Variants in PHACTR2 observed in about 807,000 individuals in gnomAD.
PHACTR2 encodes chromosome 6 open reading frame 56.
In PHACTR2, 30 loss-of-function variants were observed where a neutral mutation model predicts 76.0. The ratio of observed to expected loss-of-function variants is 0.39; its 90% CI spans 0.30 to 0.54. PHACTR2 has a LOEUF of 0.54. Among genes scored for constraint, PHACTR2 ranks in the 20% least tolerant of loss-of-function variants. PHACTR2 has a pLI of 0.61. For missense variants in PHACTR2, 696 were observed against 781.1 expected (o/e 0.89, Z 1.30); for synonymous variants, 292 against 292.5 (o/e 1.00, Z 0.02).
chr6:143,808,524 T>C (rs1308741753), intron 12 of PHACTR2, among the ~76,000 whole-genome samples: 2 of 152,172 alleles, frequency 1.3e-5, no homozygotes, highest in East Asian at 3.8e-4. Context: ...TTATACAGCA[T>C]TTACATTGTA....
intron 11 of PHACTR2, among the ~76,000 whole-genome samples, chr6:143,796,172 C>T (rs1357858228): frequency 6.6e-6 from 1 of 152,184 alleles, no homozygotes; most frequent in Admixed American, 6.5e-5. Flanking sequence ...ATTCTTTGCC[C>T]TGTTCATTGA....
Position 143,765,550 on chromosome 6 carries a change from A to C in PHACTR2, c.984A>C (p.Thr328=), listed in dbSNP as rs1174460460. 1 of 1,614,224 alleles carries C rather than the reference A, an allele frequency of 6.2e-7. No homozygotes were observed. The highest frequency in any genetic ancestry group is 1.1e-5 in the South Asian group (1 of 91,086). The change falls in exon 6 of 13, where the codon ACA becomes ACC. Residue 328 remains threonine (T), a synonymous_variant. Transcript: ENST00000440869. This position sits in a 1 kb window ranked among gnomAD's most constrained non-coding sequence, Gnocchi z 4.1. ...QTVPGAEEQN[T]GKFKSMVPPP... is the part of the protein sequence containing the mutation. Reference sequence around the variant, plus strand: ...TCCCTGGAGCTGAGGAGCAGAACACAGGCAAATTCAAGTCCATGGTCCCTC... The same window carrying C: ...TCCCTGGAGCTGAGGAGCAGAACACCGGCAAATTCAAGTCCATGGTCCCTC...
At chr6:143,781,312 C>G (rs1471214975) in intron 9 of PHACTR2, among the ~76,000 whole-genome samples, 1 of 152,212 alleles carries the variant, frequency 6.6e-6, no homozygotes, top group Non-Finnish European at 1.5e-5. Flanking sequence ...CCTGGTAGCA[C>G]TAGCTGAACA....
rs937883770 is a variant in PHACTR2 at position 143,757,949 on chromosome 6, A to G, written c.455-2452A>G. ...CTCATATGTCCCTGCGTGTGTGTGC[A>G]TGCACACGTGCGCGCACACACACAC... is the stretch of plus-strand genomic sequence containing the variant. On this transcript the variant is annotated intron_variant, in intron 4 of 12. Coordinates refer to ENST00000440869, the MANE Select transcript of PHACTR2 (RefSeq NM_001100164.2). This position sits in a 1 kb window ranked among gnomAD's most constrained non-coding sequence, Gnocchi z 4.2. 1.6e-5 allele frequency among the ~76,000 whole-genome samples: 2 copies of G among 127,356 alleles called. No homozygotes were observed. Among genetic ancestry groups the G allele is most frequent in the Non-Finnish European group, 3.3e-5 (2 of 60,000 alleles). 83.6% of individuals were successfully genotyped at this position (127,356 alleles called of 152,430 possible).
chr6:143,587,087 C>T (rs1039392789), intron 1 of PHACTR2, among the ~76,000 whole-genome samples: 4 of 152,178 alleles, frequency 2.6e-5, no homozygotes, highest in African/African-American at 9.7e-5. Context: ...CAGCTCACTA[C>T]CAGTGTTCAT....
At chr6:143,748,119 G>C (rs956228537) in intron 2 of PHACTR2, among the ~76,000 whole-genome samples, 3 of 151,928 alleles carry the variant, frequency 2.0e-5, no homozygotes, top group Non-Finnish European at 2.9e-5. Flanking sequence ...AGGCTGGAGT[G>C]CAATGGCACG....
At chr6:143,691,056 G>A (rs2128456100) in intron 1 of PHACTR2, among the ~76,000 whole-genome samples, 1 of 152,276 alleles carries the variant, frequency 6.6e-6, no homozygotes, top group East Asian at 1.9e-4. Flanking sequence ...CATATTATAG[G>A]TCAGCAAAAT....
At chr6:143,740,747 T>C (rs889593286) in intron 2 of PHACTR2, among the ~76,000 whole-genome samples, 1 of 152,210 alleles carries the variant, frequency 6.6e-6, no homozygotes, top group African/African-American at 2.4e-5. Context: ...AAAAGTGTTC[T>C]GCTGTCTGCT....
chr6:143,575,246 T>C (rs1421349395), intron 1 of PHACTR2, among the ~76,000 whole-genome samples: 1 of 152,272 alleles, frequency 6.6e-6, no homozygotes, highest in Non-Finnish European at 1.5e-5. Context: ...GGTTCATAGT[T>C]CGATGAGATA....
intron 1 of PHACTR2, among the ~76,000 whole-genome samples, chr6:143,705,066 C>T (rs1473088744): frequency 6.6e-6 from 1 of 152,054 alleles, no homozygotes; most frequent in African/African-American, 2.4e-5. Flanking sequence ...ACCTTGTGAT[C>T]TGCCTGCCTC....
At chr6:143,790,249 T>C (rs1775650661) in intron 11 of PHACTR2, among the ~76,000 whole-genome samples, 1 of 152,166 alleles carries the variant, frequency 6.6e-6, no homozygotes. Flanking sequence ...TGAGATACAG[T>C]ATCAAGGGAG....
rs1683759486 is a variant in PHACTR2 at position 143,754,917 on chromosome 6, A to G, written c.454+1005A>G. ...AATTCTCTTCCTCTGTTCTTGACCC[A>G]GATCCTTGAGAGCGAAAGGGAAAAA... is the stretch of plus-strand genomic sequence containing the variant. On this transcript the variant is annotated intron_variant, in intron 4 of 12. Transcript: ENST00000440869. This position sits in a 1 kb window ranked among gnomAD's most constrained non-coding sequence, Gnocchi z 6.2. Among the ~76,000 whole-genome samples, 1 of 152,222 alleles carries G rather than the reference A, an allele frequency of 6.6e-6. No homozygotes were observed. Among genetic ancestry groups the G allele is most frequent in the Non-Finnish European group, 1.5e-5 (1 of 68,036 alleles).
At chr6:143,588,471 G>T (rs1251690267) in intron 1 of PHACTR2, among the ~76,000 whole-genome samples, 1 of 152,098 alleles carries the variant, frequency 6.6e-6, no homozygotes, top group Non-Finnish European at 1.5e-5. Flanking sequence ...TGGCTCTCCA[G>T]AGTAACCTCT....
chr6:143,786,501 T>C (rs1023411247), intron 10 of PHACTR2, among the ~76,000 whole-genome samples: 1 of 152,230 alleles, frequency 6.6e-6, no homozygotes, highest in Non-Finnish European at 1.5e-5. Context: ...AGTTCCAAAG[T>C]TGATTCCACA....
intron 2 of PHACTR2, among the ~76,000 whole-genome samples, chr6:143,725,390 C>G (rs1197946691): frequency 6.7e-6 from 1 of 149,748 alleles, no homozygotes; most frequent in African/African-American, 2.4e-5. Context: ...TTAGTAGAGA[C>G]GGGGTTTCAC....
chr6:143,713,320 C>A (rs1432624202), intron 2 of PHACTR2, among the ~76,000 whole-genome samples: 2 of 152,002 alleles, frequency 1.3e-5, no homozygotes, highest in Non-Finnish European at 2.9e-5. Flanking sequence ...TCAAAATAAT[C>A]CTGGAGGAGT....
chr6:143,783,005 ATGTG>A lies in PHACTR2; in HGVS notation c.1646-186_1646-183del, dbSNP rs144077213. Among the ~76,000 whole-genome samples, 534 of 146,236 alleles carry A rather than the reference ATGTG, an allele frequency of 3.7e-3. 3 individuals are homozygous for A. Among genetic ancestry groups the A allele is most frequent in the African/African-American group, 0.012 (461 of 39,608 alleles). ...AGCAAACCAGTCCTACAAAAAAAGC[ATGTG>A]TGTGTGTGTGTGTGTGTGTGTGTGT... On this transcript the variant is annotated intron_variant, in intron 9 of 12. Transcript: ENST00000440869. The surrounding 1 kb of genome is among the most constrained non-coding windows in gnomAD (Gnocchi z 5.2).
Position 143,712,093 on chromosome 6 carries a change from A to G in PHACTR2, c.124A>G (p.Lys42Glu). ...AGSQTPPFKR[K>E]GKLSTIGKIF... is the part of the protein sequence containing the mutation. Reference sequence around the variant, plus strand: ...TTCCCAAACACCTCCCTTCAAAAGAAAGGGGAAACTATCCACCATTGGTAA... The same window carrying G: ...TTCCCAAACACCTCCCTTCAAAAGAGAGGGGAAACTATCCACCATTGGTAA... The change falls in exon 2 of 13, where the codon AAG becomes GAG. Residue 42 changes from lysine (K) to glutamate (E), a missense_variant. Lys to Glu is a moderately conservative substitution (Grantham distance 56, BLOSUM62 1). Around this residue, in one of 2 missense-constraint regions of PHACTR2, gnomAD observed 460 missense variants for 450.9 expected, o/e 1.02. Coordinates refer to ENST00000440869, the MANE Select transcript of PHACTR2 (RefSeq NM_001100164.2). 6.3e-7 allele frequency: 1 copy of G among 1,597,014 alleles called. No individual in the cohort carries two copies. The highest frequency in any genetic ancestry group is 8.5e-7 in the Non-Finnish European group (1 of 1,174,218).
intron 1 of PHACTR2, among the ~76,000 whole-genome samples, chr6:143,642,185 C>T (rs1217140935): frequency 6.6e-6 from 1 of 152,142 alleles, no homozygotes; most frequent in Admixed American, 6.5e-5. Flanking sequence ...TAATCAATGT[C>T]CTATTATTAT....
Sources: gnomAD v4.1 joint callset for allele counts (sites outside exome capture counted in the v4.1 genomes callset) on GRCh38, gnomAD v4.1.1 for gene constraint, gnomAD v4.1.1 regional missense constraint, Gnocchi (gnomAD v3.1) non-coding constraint, MANE v1.5 for transcripts, NCBI Gene and HGNC (gene_info 2026-07-23, HGNC 2026-07-21) for gene names.